The following CDH12 variants were observed in gnomAD, a reference collection of about 807,000 sequenced individuals.
CDH12 encodes the protein cadherin-12.
A neutral mutation model predicts 74.1 loss-of-function variants in CDH12; 41 were observed. That is an observed-to-expected ratio of 0.55 (90% CI 0.43 to 0.72). The LOEUF (loss-of-function observed/expected upper bound fraction) is 0.72, where lower values mean the gene tolerates loss of function less well. Among genes scored for constraint, CDH12 ranks in the 30% least tolerant of loss-of-function variants. The pLI is 0.00. For synonymous variants in CDH12, 399 were observed against 355.0 expected, an observed-to-expected ratio of 1.12 and a Z score of -1.39; for missense variants, 945 against 977.2, an observed-to-expected ratio of 0.97 and a Z score of 0.44.
intron 3 of CDH12, among the ~76,000 whole-genome samples, chr5:22,347,479 C>G (rs976081423): frequency 6.6e-6 from 1 of 152,136 alleles, no homozygotes; most frequent in African/African-American, 2.4e-5. Flanking sequence ...GACTGAAGAC[C>G]GCACCATCGG....
rs184218669 is a variant in CDH12, at chr5:21,885,068, G to T, written c.527-30278C>A. Among the ~76,000 whole-genome samples the T allele has an allele frequency of 1.2e-4, 18 of 152,136 alleles. No individual in the cohort carries two copies. In the East Asian group the frequency reaches 3.3e-3, roughly 28 times the overall value. On this transcript the variant is annotated intron_variant, in intron 6 of 14. Coordinates refer to ENST00000382254, the MANE Select transcript of CDH12 (RefSeq NM_004061.5). Reference sequence around the variant, plus strand: ...TGCCCAGCTATTTTTTGTGTTTTTAGTAGAGATGGGGTTTCTCCATGTTGG... The same window carrying T: ...TGCCCAGCTATTTTTTGTGTTTTTATTAGAGATGGGGTTTCTCCATGTTGG...
chr5:22,262,357 G>A (rs1753551629), intron 3 of CDH12, among the ~76,000 whole-genome samples: 2 of 149,470 alleles, frequency 1.3e-5, no homozygotes, highest in African/African-American at 2.5e-5. Flanking sequence ...CTATGAGTGA[G>A]AATATGAGGT....
chr5:22,539,429 T>C (rs570772998), intron 1 of CDH12, among the ~76,000 whole-genome samples: 1 of 152,322 alleles, frequency 6.6e-6, no homozygotes, highest in South Asian at 2.1e-4. Flanking sequence ...ATTTCATTTC[T>C]GCACATATTA....
chr5:22,426,848 T>C (rs946192451), intron 2 of CDH12, among the ~76,000 whole-genome samples: 12 of 152,220 alleles, frequency 7.9e-5, no homozygotes, highest in Admixed American at 6.5e-5. Flanking sequence ...TTTGATGTTT[T>C]ACCTGATGCA....
intron 4 of CDH12, among the ~76,000 whole-genome samples, chr5:22,107,310 T>C (rs1363783737): frequency 1.3e-5 from 2 of 151,822 alleles, no homozygotes; most frequent in African/African-American, 4.8e-5. Context: ...TTTTTTATTT[T>C]TAGTAGAGAT....
chr5:22,229,883 G>C (rs111875862), intron 3 of CDH12, among the ~76,000 whole-genome samples: 2 of 151,188 alleles, frequency 1.3e-5, no homozygotes, highest in Non-Finnish European at 2.9e-5. Context: ...ACACACACAG[G>C]GTAGACACTT....
chr5:21,880,128 T>C (rs1341841899), intron 6 of CDH12, among the ~76,000 whole-genome samples: 1 of 152,216 alleles, frequency 6.6e-6, no homozygotes, highest in African/African-American at 2.4e-5. Context: ...CTTCTTACAG[T>C]ACTGAACCTG....
At chr5:22,394,949 C>A (rs1742397226) in intron 3 of CDH12, among the ~76,000 whole-genome samples, 1 of 152,026 alleles carries the variant, frequency 6.6e-6, no homozygotes, top group Non-Finnish European at 1.5e-5. Context: ...GCTATTGTTG[C>A]ATATAGATTC....
intron 1 of CDH12, among the ~76,000 whole-genome samples, chr5:22,538,062 G>A (rs1309138286): frequency 6.6e-6 from 1 of 152,086 alleles, no homozygotes; most frequent in African/African-American, 2.4e-5. Context: ...CCTCCCTCAG[G>A]TTGCCATCAG....
intron 5 of CDH12, among the ~76,000 whole-genome samples, chr5:22,019,533 C>T (rs1218042302): frequency 6.6e-6 from 1 of 152,080 alleles, no homozygotes; most frequent in African/African-American, 2.4e-5. Flanking sequence ...GAATACTGTC[C>T]TCGTAAGGAG....
intron 5 of CDH12, among the ~76,000 whole-genome samples, chr5:22,064,012 CACACACACAA>C (rs1432930766): frequency 2.0e-5 from 3 of 149,694 alleles, no homozygotes; most frequent in Admixed American, 6.6e-5. Flanking sequence ...CACACACACA[CACACACACAA>C]ACACACACAC....
chr5:21,825,290 T>C (rs1462642938), intron 8 of CDH12, among the ~76,000 whole-genome samples: 1 of 152,212 alleles, frequency 6.6e-6, no homozygotes, highest in African/African-American at 2.4e-5. Context: ...ATCTATTGTA[T>C]GTTAGCTTTA....
At chr5:22,545,828 C>A (rs1330248985) in intron 1 of CDH12, among the ~76,000 whole-genome samples, 1 of 152,078 alleles carries the variant, frequency 6.6e-6, no homozygotes, top group African/African-American at 2.4e-5. Flanking sequence ...GCAAAGTTAT[C>A]TGAGAAAAAA....
Position 22,368,587 on chromosome 5 carries a change from G to T in CDH12, c.-333+36670C>A, listed in dbSNP as rs181912148. Among the ~76,000 whole-genome samples, 128 of 151,086 alleles carry T rather than the reference G, an allele frequency of 8.5e-4. 1 individual carries two copies. Among genetic ancestry groups the T allele is most frequent in the South Asian group, 1.5e-3 (7 of 4,776 alleles). On this transcript the variant is annotated intron_variant, in intron 3 of 14. Transcript: ENST00000382254. ...GTGTATGGATATTTAAGTAATAACC[G>T]CTGGTTAATAATAAATATGTATTTA...
intron 5 of CDH12, among the ~76,000 whole-genome samples, chr5:22,052,746 C>A (rs542330421): frequency 6.6e-5 from 10 of 152,106 alleles, no homozygotes; most frequent in Non-Finnish European, 1.2e-4. Context: ...GTAAAATAAA[C>A]ATTTATTACA....
chr5:22,326,349 C>T (rs1057269867), intron 3 of CDH12, among the ~76,000 whole-genome samples: 1 of 152,094 alleles, frequency 6.6e-6, no homozygotes, highest in Non-Finnish European at 1.5e-5. Context: ...CATTCTCCTG[C>T]CTCAGCCTCC....
At chr5:22,013,356 A>G (rs1737407094) in intron 5 of CDH12, among the ~76,000 whole-genome samples, 3 of 152,218 alleles carry the variant, frequency 2.0e-5, no homozygotes, top group Non-Finnish European at 4.4e-5. Context: ...ACATGATTCA[A>G]TTACCTCCAC....
At chr5:22,756,098 GAAAAA>G (rs60067455) in intron 1 of CDH12, among the ~76,000 whole-genome samples, 2 of 87,336 alleles carry the variant, frequency 2.3e-5, no homozygotes, top group Admixed American at 1.3e-4. Flanking sequence ...TTCAAGGACC[GAAAAA>G]AAAAAAAAAA....
Position 22,472,548 on chromosome 5 carries a change from TA to T in CDH12, c.-428+32721del, listed in dbSNP as rs1311716047. Among the ~76,000 whole-genome samples, 35 of 152,290 alleles carry T rather than the reference TA, an allele frequency of 2.3e-4. No homozygotes were observed. In the East Asian group the frequency reaches 2.7e-3, roughly 12 times the overall value. ...TTAAGCTGGATTTCTTGTAGGAATT[TA>T]AATGCTAATATTTCCAAACTCTAAC... On this transcript the variant is annotated intron_variant, in intron 2 of 14. Coordinates refer to ENST00000382254, the MANE Select transcript of CDH12 (RefSeq NM_004061.5).
Sources: gnomAD v4.1 joint callset for allele counts (sites outside exome capture counted in the v4.1 genomes callset) on GRCh38, gnomAD v4.1.1 for gene constraint, MANE v1.5 for transcripts, NCBI Gene and HGNC (gene_info 2026-07-23, HGNC 2026-07-21) for gene names.